HIPK3: variants seen among roughly 807,000 people sequenced by gnomAD.
HIPK3 encodes homeodomain-interacting protein kinase 3.
Under a neutral mutation model 124.2 loss-of-function variants are expected in HIPK3, and 47 were observed. That is an observed-to-expected ratio of 0.38 (90% CI 0.30 to 0.48). HIPK3 has a LOEUF of 0.48. Among genes scored for constraint, HIPK3 ranks in the 20% least tolerant of loss-of-function variants. The probability of loss-of-function intolerance (pLI) is 0.98; values close to 1 mark genes in which losing one functional copy is unlikely to be tolerated. For missense variants in HIPK3, 1,286 were observed against 1,454.3 expected, an observed-to-expected ratio of 0.88 and a Z score of 1.88; for synonymous variants, 482 against 515.2, an observed-to-expected ratio of 0.94 and a Z score of 0.87.
At chr11:33,341,228 C>G in intron 7 of HIPK3, 101 bp downstream of exon 7, 1 of 818,816 alleles carries the variant, frequency 1.2e-6, no homozygotes, top group Non-Finnish European at 1.9e-6. Flanking sequence ...TTAGAATGTA[C>G]AGTGCTGTGA....
At position 33,354,167 on chromosome 11, in the gene HIPK3, G is replaced by C. The variant is rs192087334; in HGVS notation, c.*599G>C. On this transcript the variant is annotated 3_prime_UTR_variant, in exon 17 of 17. Coordinates refer to ENST00000303296, the MANE Select transcript of HIPK3 (RefSeq NM_005734.5). ...ATGTTATTACCTATATATAAATGTTGAGGACTGCAGCACTTAAAATTCAGA... is the reference window on the plus strand; with the variant it reads ...ATGTTATTACCTATATATAAATGTTCAGGACTGCAGCACTTAAAATTCAGA... 1 of 152,944 alleles carries C rather than the reference G, an allele frequency of 6.5e-6. No homozygotes were observed. The highest frequency in any genetic ancestry group is 6.5e-5 in the Admixed American group (1 of 15,310). 9.5% of individuals were successfully genotyped at this position (152,944 alleles called of 1,614,324 possible).
chr11:33,257,198 A>T (rs1005205900), upstream of HIPK3: 17 of 978,922 alleles, frequency 1.7e-5, no homozygotes, highest in Middle Eastern at 5.2e-4. Context: ...GGCTCCGGGC[A>T]ACAAGGGCGC....
chr11:33,347,466 A>T, intron 9 of HIPK3, 52 bp downstream of exon 9: 4 of 1,608,528 alleles, frequency 2.5e-6, no homozygotes, highest in Non-Finnish European at 3.4e-6. Context: ...TTTGGGAAAT[A>T]GTGAAAATGA....
At chr11:33,307,925 A>G (rs1852214597) in intron 2 of HIPK3, among the ~76,000 whole-genome samples, 1 of 152,074 alleles carries the variant, frequency 6.6e-6, no homozygotes, top group African/African-American at 2.4e-5. Flanking sequence ...ATATAGTTTA[A>G]TATGTTTTTA....
At chr11:33,289,556 T>A (rs1851644554) in intron 2 of HIPK3, among the ~76,000 whole-genome samples, 1 of 152,186 alleles carries the variant, frequency 6.6e-6, no homozygotes, top group African/African-American at 2.4e-5. Flanking sequence ...GTATATATAT[T>A]TATGAGGTAT....
intron 2 of HIPK3, among the ~76,000 whole-genome samples, chr11:33,297,657 C>T (rs1851878081): frequency 6.6e-6 from 1 of 151,870 alleles, no homozygotes; most frequent in African/African-American, 2.4e-5. Context: ...GTAAAGGTGG[C>T]TACACTACAC....
chr11:33,269,096 C>T (rs1486837194), intron 1 of HIPK3, among the ~76,000 whole-genome samples: 1 of 152,162 alleles, frequency 6.6e-6, no homozygotes, highest in African/African-American at 2.4e-5. Context: ...ATATGATACT[C>T]AACTTACATA....
At chr11:33,347,170 GC>G in intron 8 of HIPK3, 122 bp from the exon 9 acceptor site, 2 of 839,328 alleles carry the variant, frequency 2.4e-6, no homozygotes, top group Non-Finnish European at 3.6e-6. Flanking sequence ...ACAGAGCGAG[GC>G]CCTGTCTCAA....
chr11:33,355,645 G>A lies in HIPK3; in HGVS notation c.*2077G>A, dbSNP rs1331048539. 2 of 151,854 alleles carry A rather than the reference G, an allele frequency of 1.3e-5. No homozygotes were observed. The highest frequency in any genetic ancestry group is 2.9e-5 in the Non-Finnish European group (2 of 67,850). The allele number at this position is 151,854 out of a possible 1,614,324, so 9.4% of individuals were successfully genotyped here. A position where few individuals can be genotyped will look rare whatever the true frequency, so the allele number is the denominator to read the frequency against. ...AGTTTTCTTCACTCCATTAACACAA[G>A]CAGTGTTTTATTTAATAATCATCAA... On this transcript the variant is annotated 3_prime_UTR_variant, in exon 17 of 17. Coordinates refer to ENST00000303296, the MANE Select transcript of HIPK3 (RefSeq NM_005734.5).
intron 2 of HIPK3, among the ~76,000 whole-genome samples, chr11:33,327,742 G>A (rs150785018): frequency 6.6e-6 from 1 of 152,298 alleles, no homozygotes; most frequent in African/African-American, 2.4e-5. Flanking sequence ...TTAAACACAT[G>A]CACACTAATC....
In HIPK3 at chr11:33,351,829, A is replaced by G. The variant is rs754988278; in HGVS notation, c.3029A>G (p.His1010Arg). 3 of 1,613,158 alleles carry G rather than the reference A, an allele frequency of 1.9e-6. No individual in the cohort carries two copies. The highest frequency in any genetic ancestry group is 2.2e-5 in the South Asian group (2 of 91,028). Reference protein sequence around the residue: ...ELENGLNADEHMANTDSICQP... With the variant: ...ELENGLNADERMANTDSICQP... ...GAAAATGGCTTAAATGCCGATGAGC[A>G]TATGGCAAACACAGGTAAGTTGAGT... Residue 1010 changes from histidine to arginine, a missense_variant, in exon 15 of 17, where the codon CAT (histidine) becomes CGT (arginine). Coordinates refer to ENST00000303296, the MANE Select transcript of HIPK3 (RefSeq NM_005734.5).
chr11:33,280,490 T>C (rs893097824), intron 1 of HIPK3, among the ~76,000 whole-genome samples: 1 of 152,170 alleles, frequency 6.6e-6, no homozygotes, highest in South Asian at 2.1e-4. Context: ...TTTCTTATGG[T>C]CTTTTATACC....
intron 1 of HIPK3, among the ~76,000 whole-genome samples, chr11:33,259,000 T>G (rs1413190734): frequency 6.6e-6 from 1 of 152,166 alleles, no homozygotes; most frequent in African/African-American, 2.4e-5. Context: ...GTCTGTCTGG[T>G]ACAGGGCCGG....
chr11:33,258,450 C>G, intron 1 of HIPK3: 1 of 985,424 alleles, frequency 1.0e-6, no homozygotes, highest in Non-Finnish European at 1.2e-6. Context: ...TGCAGGGTGT[C>G]AACTCTGGGG....
intron 5 of HIPK3, among the ~76,000 whole-genome samples, chr11:33,339,128 T>C (rs1166602090): frequency 6.6e-6 from 1 of 152,256 alleles, no homozygotes; most frequent in East Asian, 1.9e-4. Flanking sequence ...AAATGGATAT[T>C]TGTTTAATTT....
chr11:33,341,313 A>T (rs899863214), intron 7 of HIPK3, among the ~76,000 whole-genome samples, 186 bp downstream of exon 7: 8 of 152,120 alleles, frequency 5.3e-5, no homozygotes, highest in Non-Finnish European at 5.9e-5. Flanking sequence ...ACTCCGATTC[A>T]CTTTTTGCCA....
At position 33,257,724 on chromosome 11, in the gene HIPK3, G is replaced by T. The variant is rs901739127; in HGVS notation, c.-168G>T. The T allele has an allele frequency of 2.0e-6, 2 of 989,526 alleles. No homozygotes were observed. The highest frequency in any genetic ancestry group is 2.4e-6 in the Non-Finnish European group (2 of 832,662). 61.3% of individuals were successfully genotyped at this position (989,526 alleles called of 1,614,324 possible). On this transcript the variant is annotated 5_prime_UTR_variant, in exon 1 of 17. Coordinates refer to ENST00000303296, the MANE Select transcript of HIPK3 (RefSeq NM_005734.5). ...GGTGTTTCGCCGTTTCCTCTCAGCC[G>T]CCAGGACAAGATGGCAGCGGCCGCG...
chr11:33,307,755 GGTGTGTGTGTGT>G (rs150805766), intron 2 of HIPK3, among the ~76,000 whole-genome samples: 1 of 145,756 alleles, frequency 6.9e-6, no homozygotes, highest in Non-Finnish European at 1.5e-5. Flanking sequence ...TATTCTTGTT[GGTGTGTGTGTGT>G]GTGTGTGTGT....
chr11:33,347,669 G>C lies in HIPK3; in HGVS notation c.2060G>C (p.Trp687Ser), dbSNP rs1046108448. The C allele has an allele frequency of 6.2e-7, 1 of 1,614,002 alleles. No homozygotes were observed. Among genetic ancestry groups the C allele is most frequent in the African/African-American group, 1.3e-5 (1 of 74,934 alleles). Residue 687 changes from tryptophan to serine, a missense_variant, in exon 10 of 17, where the codon TGG becomes TCG. Transcript: ENST00000303296. The stretch of plus-strand genomic sequence containing the variant: ...ACACAGCAGATGCTGGTGCCTGCCT[G>C]GCAACAGGTGACACCCCTGGCTCCT... Reference protein sequence around the residue: ...GRTQQMLVPAWQQVTPLAPAT... With the variant: ...GRTQQMLVPASQQVTPLAPAT...
Sources: gnomAD v4.1 joint callset for allele counts (sites outside exome capture counted in the v4.1 genomes callset) on GRCh38, gnomAD v4.1.1 for gene constraint, MANE v1.5 for transcripts, NCBI Gene and HGNC (gene_info 2026-07-23, HGNC 2026-07-21) for gene names.